The following FNBP1 variants were observed in gnomAD, a reference collection of about 807,000 sequenced individuals.
FNBP1 encodes formin binding protein 1.
FNBP1 carries 26 observed loss-of-function variants against 90.6 expected under a neutral mutation model. That is an observed-to-expected ratio of 0.29 (90% CI 0.21 to 0.40). The LOEUF is 0.40. FNBP1 is among the 10% of genes least tolerant of loss of function. FNBP1 has a pLI of 1.00. For missense variants in FNBP1, 635 were observed against 768.0 expected (o/e 0.83, Z 2.05); for synonymous variants, 260 against 265.2 (o/e 0.98, Z 0.19).
chr9:129,978,790 T>C (rs1215644546), intron 3 of FNBP1, among the ~76,000 whole-genome samples, 178 bp from the exon 4 acceptor site: 1 of 152,214 alleles, frequency 6.6e-6, no homozygotes, highest in East Asian at 1.9e-4. Context: ...TTAATTACAA[T>C]TGAAACACTT....
At chr9:129,952,618 T>C (rs1490602932) in intron 6 of FNBP1, among the ~76,000 whole-genome samples, 1 of 152,212 alleles carries the variant, frequency 6.6e-6, no homozygotes, top group African/African-American at 2.4e-5. Flanking sequence ...CAGGCAATGT[T>C]AACTTAAAGA....
intron 6 of FNBP1, among the ~76,000 whole-genome samples, chr9:129,942,131 C>A (rs1337626805): frequency 6.6e-6 from 1 of 151,458 alleles, no homozygotes; most frequent in Non-Finnish European, 1.5e-5. Context: ...AATTGTCAAC[C>A]TAGAATTCTA....
intron 12 of FNBP1, among the ~76,000 whole-genome samples, chr9:129,908,576 AGAG>A (rs1194649683): frequency 6.6e-6 from 1 of 150,572 alleles, no homozygotes; most frequent in East Asian, 1.9e-4. Flanking sequence ...TTTTTGAGAC[AGAG>A]GCTTGCTCTG....
At chr9:129,905,654 C>T (rs574513631) in intron 12 of FNBP1, among the ~76,000 whole-genome samples, 1 of 147,968 alleles carries the variant, frequency 6.8e-6, no homozygotes, top group South Asian at 2.1e-4. Flanking sequence ...TTTCCGACTT[C>T]TTGAGATAGA....
intron 2 of FNBP1, among the ~76,000 whole-genome samples, chr9:129,982,145 C>A (rs576668518): frequency 6.6e-6 from 1 of 152,146 alleles, no homozygotes; most frequent in Non-Finnish European, 1.5e-5. Context: ...ATTATGATCA[C>A]AATCACTTCT....
chr9:129,899,801 AG>A, intron 15 of FNBP1, among the ~76,000 whole-genome samples, 163 bp downstream of exon 15: 2 of 103,534 alleles, frequency 1.9e-5, no homozygotes, highest in African/African-American at 3.9e-5. Flanking sequence ...GAAGGAAGGA[AG>A]GGGAAGGGGA....
intron 2 of FNBP1, among the ~76,000 whole-genome samples, chr9:129,991,474 T>G (rs1435920410): frequency 6.6e-6 from 1 of 151,554 alleles, no homozygotes; most frequent in African/African-American, 2.4e-5. Context: ...GGTCTCGCTA[T>G]GTTGCTCAGG....
intron 16 of FNBP1, among the ~76,000 whole-genome samples, chr9:129,891,204 A>T (rs2035073537): frequency 1.3e-5 from 2 of 151,738 alleles, no homozygotes; most frequent in Admixed American, 1.3e-4. Context: ...TCATACCTGT[A>T]ATCCCAGCAC....
At chr9:129,986,318 G>A (rs1015260497) in intron 2 of FNBP1, among the ~76,000 whole-genome samples, 1 of 151,848 alleles carries the variant, frequency 6.6e-6, no homozygotes, top group African/African-American at 2.4e-5. Context: ...AATAAATCAA[G>A]AATCCCAATA....
In FNBP1 at chr9:129,887,341, A is replaced by G. The variant is rs1169531261; in HGVS notation, c.*3198T>C. 1 of 199,114 alleles carries G rather than the reference A, an allele frequency of 5.0e-6. No individual in the cohort carries two copies. Among genetic ancestry groups the G allele is most frequent in the East Asian group, 7.8e-5 (1 of 12,868 alleles). The allele number at this position is 199,114 out of a possible 1,614,324, so 12.3% of individuals were successfully genotyped here. On this transcript the variant is annotated 3_prime_UTR_variant, in exon 17 of 17. Transcript: ENST00000446176. ...AGTGGCGATCGGCCTCACACAGCAA[A>G]ATGCCTCCAAAGTTTAGAATTAGTG...
At chr9:130,036,158 G>A (rs1173551242) in intron 1 of FNBP1, among the ~76,000 whole-genome samples, 1 of 152,124 alleles carries the variant, frequency 6.6e-6, no homozygotes, top group African/African-American at 2.4e-5. Context: ...AATCTAATTA[G>A]ATTAATTTCC....
chr9:129,949,149 T>C (rs1376705392), intron 6 of FNBP1, among the ~76,000 whole-genome samples: 1 of 152,084 alleles, frequency 6.6e-6, no homozygotes, highest in Non-Finnish European at 1.5e-5. Flanking sequence ...TACTGCTTCT[T>C]GTACAAACCC....
the FNBP1 span, chr9:130,053,521 G>A: frequency 5.3e-6 from 1 of 189,456 alleles, no homozygotes. Flanking sequence ...ATTTTCCTCC[G>A]AGTCAACGCT....
At chr9:129,967,983 T>C (rs1292358832) in intron 4 of FNBP1, among the ~76,000 whole-genome samples, 2 of 139,856 alleles carry the variant, frequency 1.4e-5, no homozygotes, top group Non-Finnish European at 3.1e-5. Context: ...GCTGGAAAAC[T>C]TTTTTTTTTT....
intron 1 of FNBP1, among the ~76,000 whole-genome samples, chr9:130,034,374 T>A (rs2059121919): frequency 6.6e-6 from 1 of 150,466 alleles, no homozygotes. Context: ...TCCCAGCTAA[T>A]CAGGAGGCTG....
chr9:130,043,501 T>C (rs921525170), upstream of FNBP1, among the ~76,000 whole-genome samples: 11 of 152,228 alleles, frequency 7.2e-5, no homozygotes, highest in African/African-American at 2.7e-4. Flanking sequence ...TCACCGATGC[T>C]CCGCCGCGGT....
chr9:130,030,849 T>C (rs1342603065), intron 1 of FNBP1, among the ~76,000 whole-genome samples: 1 of 152,146 alleles, frequency 6.6e-6, no homozygotes, highest in Non-Finnish European at 1.5e-5. Context: ...AATAAGAAAT[T>C]TGCTAGCTTA....
At chr9:129,994,657 T>C (rs1255585068) in intron 2 of FNBP1, among the ~76,000 whole-genome samples, 186 bp downstream of exon 2, 2 of 152,218 alleles carry the variant, frequency 1.3e-5, no homozygotes, top group Non-Finnish European at 2.9e-5. Context: ...AGCAGTAATT[T>C]AGTTTTTATT....
chr9:129,941,219 C>T (rs1184488265), intron 6 of FNBP1, among the ~76,000 whole-genome samples: 2 of 151,338 alleles, frequency 1.3e-5, no homozygotes, highest in Admixed American at 6.6e-5. Flanking sequence ...TGAAACCCTG[C>T]TTCTACTAAA....
Sources: allele counts gnomAD v4.1 joint callset (sites outside exome capture counted in the v4.1 genomes callset), GRCh38; gene constraint gnomAD v4.1.1; transcripts MANE v1.5; gene names NCBI Gene and HGNC (gene_info 2026-07-23, HGNC 2026-07-21).